The following SLMAP variants were observed in gnomAD, a reference collection of about 807,000 sequenced individuals.
SLMAP encodes the protein sarcolemma associated protein, also known as sarcolemmal membrane-associated protein.
A neutral mutation model predicts 128.8 loss-of-function variants in SLMAP; 44 were observed. That is an observed-to-expected ratio of 0.34 (90% CI 0.27 to 0.44). SLMAP has a LOEUF of 0.44. SLMAP is among the 20% of genes least tolerant of loss of function. SLMAP has a pLI of 1.00. For synonymous variants in SLMAP, 327 were observed against 348.8 expected (o/e 0.94, Z 0.70); for missense variants, 787 against 985.3 (o/e 0.80, Z 2.69).
At chr3:57,834,890 G>A (rs2093550002) in intron 3 of SLMAP, among the ~76,000 whole-genome samples, 1 of 151,892 alleles carries the variant, frequency 6.6e-6, no homozygotes, top group Non-Finnish European at 1.5e-5. Context: ...GGGAGTCTGA[G>A]GCAGGTGGAT....
intron 8 of SLMAP, among the ~76,000 whole-genome samples, chr3:57,860,258 G>T (rs1485748639): frequency 6.6e-6 from 1 of 152,082 alleles, no homozygotes; most frequent in East Asian, 1.9e-4. Context: ...GATGTTTCAG[G>T]CTCATTTTGT....
chr3:57,888,027 A>G (rs903676681), intron 14 of SLMAP, among the ~76,000 whole-genome samples: 3 of 152,224 alleles, frequency 2.0e-5, no homozygotes, highest in Non-Finnish European at 2.9e-5. Flanking sequence ...TTTTCAGAGA[A>G]GCAAAATCAC....
intron 15 of SLMAP, among the ~76,000 whole-genome samples, chr3:57,894,840 G>A (rs1482662394): frequency 6.6e-6 from 1 of 152,216 alleles, no homozygotes; most frequent in Non-Finnish European, 1.5e-5. Flanking sequence ...AAGCTAGCAT[G>A]ACCAGAGCAG....
At chr3:57,789,844 G>T (rs2085055143) in intron 2 of SLMAP, among the ~76,000 whole-genome samples, 1 of 151,838 alleles carries the variant, frequency 6.6e-6, no homozygotes, top group Non-Finnish European at 1.5e-5. Flanking sequence ...GATTTATTTT[G>T]TTTTGTTTTC....
intron 23 of SLMAP, among the ~76,000 whole-genome samples, chr3:57,923,532 G>A (rs1394691979): frequency 6.6e-6 from 1 of 151,564 alleles, no homozygotes; most frequent in Non-Finnish European, 1.5e-5. Context: ...AGAGAGAGAT[G>A]AACATTTTGG....
intron 5 of SLMAP, among the ~76,000 whole-genome samples, chr3:57,848,434 TC>T (rs2094362737): frequency 6.6e-6 from 1 of 151,578 alleles, no homozygotes; most frequent in Non-Finnish European, 1.5e-5. Flanking sequence ...CCTTCTTTTT[TC>T]TTCTTCGTCC....
chr3:57,838,471 T>G (rs980236576), intron 3 of SLMAP, among the ~76,000 whole-genome samples: 11 of 152,246 alleles, frequency 7.2e-5, no homozygotes, highest in Non-Finnish European at 1.5e-4. Context: ...AGTAAAATGC[T>G]TTCTGTACCA....
At chr3:57,896,232 C>T in intron 15 of SLMAP, 1 of 1,115,666 alleles carries the variant, frequency 9.0e-7, no homozygotes, top group Non-Finnish European at 1.1e-6. Context: ...AAGCTTGCTT[C>T]GTTTTTGTTT....
At chr3:57,870,104 T>C (rs181723995) in intron 13 of SLMAP, among the ~76,000 whole-genome samples, 2 of 152,260 alleles carry the variant, frequency 1.3e-5, no homozygotes, top group East Asian at 1.9e-4. Context: ...AATGTCATCT[T>C]AAGTTCTTTG....
Position 57,757,564 on chromosome 3 carries a change from A to G in SLMAP, c.-88A>G. On this transcript the variant is annotated 5_prime_UTR_variant, in exon 2 of 25. Coordinates refer to ENST00000671191, the MANE Select transcript of SLMAP (RefSeq NM_001377540.1). The stretch of plus-strand genomic sequence containing the variant: ...GTGTTAATTTAAAATTTTGGGTGGG[A>G]TAGGGGCATAGGCTTGTGAAGGGCA... 7.9e-7 allele frequency: 1 copy of G among 1,264,186 alleles called. No homozygotes were observed. The highest frequency in any genetic ancestry group is 1.5e-5 in the African/African-American group (1 of 67,574). 78.3% of individuals were successfully genotyped at this position (1,264,186 alleles called of 1,614,324 possible).
intron 15 of SLMAP, 62 bp downstream of exon 15, chr3:57,890,162 A>G: frequency 6.6e-7 from 1 of 1,517,614 alleles, no homozygotes; most frequent in Non-Finnish European, 9.1e-7. Flanking sequence ...GTTAGTGTAT[A>G]TTTTCAAGGT....
intron 2 of SLMAP, among the ~76,000 whole-genome samples, chr3:57,791,708 TG>T (rs1286496597): frequency 6.6e-6 from 1 of 152,142 alleles, no homozygotes; most frequent in Non-Finnish European, 1.5e-5. Flanking sequence ...GCATCTGAAT[TG>T]GCTCAGATTA....
At chr3:57,840,366 C>T (rs1292905640) in intron 3 of SLMAP, among the ~76,000 whole-genome samples, 1 of 152,240 alleles carries the variant, frequency 6.6e-6, no homozygotes, top group Non-Finnish European at 1.5e-5. Flanking sequence ...CTCATAACCA[C>T]CACTCCCCTA....
intron 15 of SLMAP, chr3:57,891,047 G>C (rs1356706102): frequency 3.9e-5 from 6 of 152,102 alleles, no homozygotes; most frequent in Admixed American, 2.0e-4. Context: ...AACAGGCATT[G>C]AGTTTCAGAA....
intron 2 of SLMAP, among the ~76,000 whole-genome samples, chr3:57,784,516 G>A (rs2083691496): frequency 6.6e-6 from 1 of 152,202 alleles, no homozygotes; most frequent in African/African-American, 2.4e-5. Context: ...GTTTTGGAAA[G>A]TTGGTAACTT....
rs371868318 is a variant in SLMAP, at chr3:57,835,174, T to TC, written c.346+3647dup. On this transcript the variant is annotated intron_variant, in intron 3 of 24. Coordinates refer to ENST00000671191, the MANE Select transcript of SLMAP (RefSeq NM_001377540.1). ...ATGCTATTAGGCCAGACACAGTGGCTCCCACCTGTAATCCCAGCACTTTGG... is the reference window on the plus strand; with the variant it reads ...ATGCTATTAGGCCAGACACAGTGGCTCCCCACCTGTAATCCCAGCACTTTGG... 1.3e-3 allele frequency among the ~76,000 whole-genome samples: 178 copies of TC among 132,526 alleles called. 1 individual carries two copies. The highest frequency in any genetic ancestry group is 4.9e-3 in the African/African-American group (169 of 34,616). 86.9% of individuals were successfully genotyped at this position (132,526 alleles called of 152,430 possible).
intron 18 of SLMAP, 105 bp from the exon 19 acceptor site, chr3:57,908,971 A>G (rs567844786): frequency 4.0e-5 from 31 of 776,698 alleles, no homozygotes; most frequent in Middle Eastern, 7.3e-4. Context: ...GTTTCTTTCA[A>G]TAATCTTTTA....
chr3:57,897,195 T>C, intron 17 of SLMAP: 2 of 967,904 alleles, frequency 2.1e-6, no homozygotes. Context: ...TGTTTTTTGT[T>C]TACCCTTGTG....
intron 2 of SLMAP, among the ~76,000 whole-genome samples, chr3:57,773,279 C>T (rs781684017): frequency 2.6e-5 from 4 of 152,080 alleles, no homozygotes; most frequent in Admixed American, 6.6e-5. Context: ...TTCAGGTAAG[C>T]GGTGGAGATA....
Sources: allele counts gnomAD v4.1 joint callset (sites outside exome capture counted in the v4.1 genomes callset), GRCh38; gene constraint gnomAD v4.1.1; transcripts MANE v1.5; gene names NCBI Gene and HGNC (gene_info 2026-07-23, HGNC 2026-07-21).